Variants in GRB10 observed in about 807,000 individuals in gnomAD.
GRB10 encodes growth factor receptor-bound protein 10.
In GRB10, 20 loss-of-function variants were observed where a neutral mutation model predicts 80.9. The observed-to-expected ratio is 0.25, with a 90% CI of 0.17 to 0.36. GRB10 has a LOEUF of 0.36. Among genes scored for constraint, GRB10 ranks in the 10% least tolerant of loss-of-function variants. The pLI is 1.00. For synonymous variants in GRB10, 291 were observed against 291.5 expected (o/e 1.00, Z 0.02); for missense variants, 548 against 747.7 (o/e 0.73, Z 3.12).
intron 7 of GRB10, among the ~76,000 whole-genome samples, chr7:50,660,160 C>T (rs1481445790): frequency 6.6e-6 from 1 of 152,180 alleles, no homozygotes; most frequent in Non-Finnish European, 1.5e-5. Context: ...GGGGGCACAG[C>T]TGCGGTGCCG....
chr7:50,746,246 C>A (rs1271996649), intron 3 of GRB10, among the ~76,000 whole-genome samples: 3 of 152,180 alleles, frequency 2.0e-5, no homozygotes, highest in South Asian at 2.1e-4. Flanking sequence ...ATAGTTTCTA[C>A]TGAACACTTG....
At chr7:50,621,204 G>C (rs896849330) in intron 8 of GRB10, among the ~76,000 whole-genome samples, 26 of 152,250 alleles carry the variant, frequency 1.7e-4, no homozygotes, top group Non-Finnish European at 5.9e-5. Flanking sequence ...CCCCTGGAAA[G>C]ATCATGGGAA....
chr7:50,759,048 C>A (rs2075427713), intron 2 of GRB10, among the ~76,000 whole-genome samples: 1 of 151,904 alleles, frequency 6.6e-6, no homozygotes, highest in Non-Finnish European at 1.5e-5. Flanking sequence ...TAAAAATTAG[C>A]TGGGTGTGGT....
At chr7:50,636,842 C>A (rs1203718002) in intron 7 of GRB10, among the ~76,000 whole-genome samples, 1 of 115,668 alleles carries the variant, frequency 8.6e-6, no homozygotes, top group African/African-American at 3.2e-5. Context: ...TGTCCACTCT[C>A]ACCACTACTA....
intron 5 of GRB10, among the ~76,000 whole-genome samples, chr7:50,691,378 G>A (rs920972934): frequency 2.6e-5 from 4 of 152,176 alleles, no homozygotes; most frequent in Admixed American, 6.5e-5. Context: ...CAAGGGCTGT[G>A]ATCTGGGCAA....
chr7:50,596,074 A>C (rs75469888), intron 17 of GRB10, among the ~76,000 whole-genome samples: 1,726 of 152,328 alleles, frequency 0.011, 15 homozygotes, highest in Non-Finnish European at 0.017. Flanking sequence ...ATGTATTCAA[A>C]AACTACCCTT....
chr7:50,734,777 T>C (rs1230899519), intron 3 of GRB10, among the ~76,000 whole-genome samples: 1 of 152,210 alleles, frequency 6.6e-6, no homozygotes, highest in Non-Finnish European at 1.5e-5. Context: ...AAGTAAACTA[T>C]AGTTAGATAC....
At chr7:50,716,178 C>T (rs1393344805) in intron 4 of GRB10, among the ~76,000 whole-genome samples, 1 of 152,216 alleles carries the variant, frequency 6.6e-6, no homozygotes, top group Non-Finnish European at 1.5e-5. Flanking sequence ...CGTGTTCCCA[C>T]CAACCCAAAT....
At chr7:50,640,495 C>T (rs2056034148) in intron 7 of GRB10, among the ~76,000 whole-genome samples, 1 of 152,204 alleles carries the variant, frequency 6.6e-6, no homozygotes, top group Non-Finnish European at 1.5e-5. Flanking sequence ...CCCCTCCACC[C>T]TTCTCTTTAG....
chr7:50,696,511 C>A (rs997239820), intron 5 of GRB10, among the ~76,000 whole-genome samples: 1 of 152,206 alleles, frequency 6.6e-6, no homozygotes, highest in African/African-American at 2.4e-5. Context: ...CACTGCACCA[C>A]ACGGCCCACT....
intron 8 of GRB10, among the ~76,000 whole-genome samples, chr7:50,620,149 G>A (rs35968076): frequency 0.028 from 4,243 of 152,294 alleles, 82 homozygotes; most frequent in Non-Finnish European, 0.035. Context: ...CTCAGAAACT[G>A]TCATGGGAGG....
At chr7:50,636,457 A>G (rs966809983) in intron 7 of GRB10, among the ~76,000 whole-genome samples, 26 of 152,224 alleles carry the variant, frequency 1.7e-4, no homozygotes, top group African/African-American at 6.3e-4. Context: ...TATCCCTTAT[A>G]AAAACATAGA....
Position 50,641,286 on chromosome 7 carries a change from G to C in GRB10, c.505-14308C>G, listed in dbSNP as rs530627766. Among the ~76,000 whole-genome samples the C allele has an allele frequency of 6.7e-4, 101 of 151,526 alleles. 1 individual carries two copies. In the South Asian group the frequency reaches 0.02, roughly 31 times the overall value. ...TATACTCATCAAAAAAGGTGGGGGG[G>C]TAGCCTTCATTCAAACCTACAGCTT... On this transcript the variant is annotated intron_variant, in intron 7 of 18. Coordinates refer to ENST00000401949, the MANE Select transcript of GRB10 (RefSeq NM_001350814.2).
At chr7:50,745,136 T>C (rs976469966) in intron 3 of GRB10, among the ~76,000 whole-genome samples, 4 of 152,220 alleles carry the variant, frequency 2.6e-5, no homozygotes, top group African/African-American at 7.2e-5. Context: ...AAAAATTTTC[T>C]AGTAATTACT....
intron 5 of GRB10, among the ~76,000 whole-genome samples, chr7:50,674,970 C>T (rs1387733671): frequency 6.6e-6 from 1 of 152,198 alleles, no homozygotes; most frequent in Admixed American, 6.5e-5. Context: ...TCCCCACCCC[C>T]TCCGGTAGGC....
At chr7:50,736,726 T>C (rs1200776383) in intron 3 of GRB10, among the ~76,000 whole-genome samples, 2 of 151,962 alleles carry the variant, frequency 1.3e-5, no homozygotes, top group East Asian at 3.9e-4. Flanking sequence ...GAGGATGCAG[T>C]GAGCTGTGAT....
intron 8 of GRB10, 95 bp downstream of exon 8, chr7:50,626,727 A>G (rs1467655204): frequency 2.9e-6 from 4 of 1,401,300 alleles, no homozygotes; most frequent in African/African-American, 2.8e-5. Flanking sequence ...CGCAGGGGAC[A>G]CTGCGGTCAC....
chr7:50,753,880 G>T (rs979311990), intron 3 of GRB10, among the ~76,000 whole-genome samples: 1 of 152,214 alleles, frequency 6.6e-6, no homozygotes, highest in Non-Finnish European at 1.5e-5. Context: ...AGGCTGTCAG[G>T]TGATCCAGGA....
chr7:50,685,524 G>C (rs1053378074), intron 5 of GRB10, among the ~76,000 whole-genome samples: 1 of 152,184 alleles, frequency 6.6e-6, no homozygotes, highest in African/African-American at 2.4e-5. Context: ...CAAGAGAGGT[G>C]AAGGATGAGT....
Sources: allele counts gnomAD v4.1 joint callset (sites outside exome capture counted in the v4.1 genomes callset), GRCh38; gene constraint gnomAD v4.1.1; transcripts MANE v1.5; gene names NCBI Gene and HGNC (gene_info 2026-07-23, HGNC 2026-07-21).